Variants in SNX29 observed in about 807,000 individuals in gnomAD.
SNX29 encodes sorting nexin 29.
In SNX29, 78 loss-of-function variants were observed where a neutral mutation model predicts 102.1. That is an observed-to-expected ratio of 0.76 (90% CI 0.64 to 0.92). The LOEUF (loss-of-function observed/expected upper bound fraction) is 0.92. Among genes scored for constraint, SNX29 ranks in the 40% least tolerant of loss-of-function variants. The pLI is 0.00. For missense variants in SNX29, 1,280 were observed against 1,061.7 expected, an observed-to-expected ratio of 1.21 and a Z score of -2.86; for synonymous variants, 580 against 414.5, an observed-to-expected ratio of 1.40 and a Z score of -4.85.
chr16:12,109,919 C>G (rs2053435316), intron 11 of SNX29, among the ~76,000 whole-genome samples: 1 of 152,090 alleles, frequency 6.6e-6, no homozygotes, highest in Non-Finnish European at 1.5e-5. Context: ...TTAGTAGAGA[C>G]AGAGTTTCAC....
chr16:12,439,110 G>T (rs777703723), intron 18 of SNX29, among the ~76,000 whole-genome samples: 13 of 152,228 alleles, frequency 8.5e-5, no homozygotes, highest in Non-Finnish European at 1.8e-4. Flanking sequence ...AGTGAAGCCA[G>T]TCTTTCCCAG....
At position 12,490,586 on chromosome 16, in the gene SNX29, A is replaced by G. The variant is rs565793628; in HGVS notation, c.2178+12727A>G. Reference sequence around the variant, plus strand: ...ATCCTTAGGAATGGACTTGCTGGTCACAGGGTATGTTTATACTCCACTGTA... The same window carrying G: ...ATCCTTAGGAATGGACTTGCTGGTCGCAGGGTATGTTTATACTCCACTGTA... On this transcript the variant is annotated intron_variant, in intron 19 of 20. Coordinates refer to ENST00000566228, the MANE Select transcript of SNX29 (RefSeq NM_032167.5). Among the ~76,000 whole-genome samples the G allele has an allele frequency of 5.1e-4, 77 of 152,354 alleles. 2 individuals are homozygous for G. The South Asian group carries it at 0.016, about 32-fold the overall frequency.
At position 12,573,164 on chromosome 16, in the gene SNX29, GAAGT is replaced by G. The variant is rs755260749; in HGVS notation, c.*4539_*4542del. On this transcript the variant is annotated 3_prime_UTR_variant, in exon 21 of 21. Transcript: ENST00000566228. ...TAAAGCTTCAGCTCCTTGGTCAATA[GAAGT>G]AAGGGTGTAGCCATCCAGGGTCTCC... is the stretch of plus-strand genomic sequence containing the variant. The G allele has an allele frequency of 8.0e-5, 18 of 226,286 alleles. No individual in the cohort carries two copies. Among genetic ancestry groups the G allele is most frequent in the Non-Finnish European group, 1.1e-4 (12 of 113,814 alleles). The allele number at this position is 226,286 out of a possible 1,614,324, so 14.0% of individuals were successfully genotyped here.
In SNX29 at chr16:12,568,577, G is replaced by T. The variant is rs199674908; in HGVS notation, c.2390G>T (p.Arg797Leu). The T allele has an allele frequency of 1.2e-6, 2 of 1,607,500 alleles. No individual in the cohort carries two copies. Among genetic ancestry groups the T allele is most frequent in the Admixed American group, 1.7e-5 (1 of 60,000 alleles). ...KAASRFPKLS[R>L]GQPRETRNVE... Reference sequence around the variant, plus strand: ...GCTTCCCGCTTCCCCAAACTGTCCCGGGGTCAGCCCCGGGAGACCCGCAAC... The same window carrying T: ...GCTTCCCGCTTCCCCAAACTGTCCCTGGGTCAGCCCCGGGAGACCCGCAAC... The change falls in exon 21 of 21, where the codon CGG becomes CTG. Residue 797 changes from arginine (R) to leucine (L), a missense_variant. Physicochemically the swap from Arg to Leu is moderately radical, Grantham distance 102. Transcript: ENST00000566228.
chr16:11,983,279 G>A (rs1314427015), intron 1 of SNX29, among the ~76,000 whole-genome samples: 5 of 130,968 alleles, frequency 3.8e-5, no homozygotes, highest in Admixed American at 8.8e-5. Flanking sequence ...GTCTTACTAC[G>A]TTACCCAGGT....
intron 17 of SNX29, among the ~76,000 whole-genome samples, chr16:12,398,705 T>G (rs1436598732): frequency 6.6e-6 from 1 of 150,596 alleles, no homozygotes; most frequent in Non-Finnish European, 1.5e-5. Context: ...CCTTGGGTAT[T>G]TAAAAACATT....
chr16:12,122,577 C>T (rs74456766), intron 11 of SNX29, among the ~76,000 whole-genome samples: 2,127 of 152,048 alleles, frequency 0.014, 22 homozygotes, highest in Non-Finnish European at 0.023. Context: ...CACAGAGGCA[C>T]GAGAGAAGGA....
intron 18 of SNX29, among the ~76,000 whole-genome samples, chr16:12,468,080 C>T (rs982876898): frequency 1.3e-5 from 2 of 151,962 alleles, no homozygotes; most frequent in African/African-American, 2.4e-5. Flanking sequence ...TTCACTTGTC[C>T]CCTGTTACAC....
intron 18 of SNX29, among the ~76,000 whole-genome samples, chr16:12,442,401 C>G (rs1289854466): frequency 2.0e-5 from 3 of 152,138 alleles, no homozygotes; most frequent in African/African-American, 7.2e-5. Flanking sequence ...TTCTTCCCTT[C>G]TCTCCTTTTA....
chr16:12,125,603 C>CTT (rs1273937330), intron 11 of SNX29, among the ~76,000 whole-genome samples: 1 of 71,494 alleles, frequency 1.4e-5, no homozygotes, highest in African/African-American at 5.3e-5. Context: ...GCTGAGATCT[C>CTT]TCTTTTTTTT....
intron 15 of SNX29, among the ~76,000 whole-genome samples, chr16:12,333,808 G>T (rs1476925769): frequency 1.3e-5 from 2 of 152,118 alleles, no homozygotes; most frequent in East Asian, 1.9e-4. Flanking sequence ...CTACCCTGTA[G>T]GATGGCTGAG....
At chr16:12,353,577 A>G (rs891020469) in intron 15 of SNX29, among the ~76,000 whole-genome samples, 4 of 152,180 alleles carry the variant, frequency 2.6e-5, no homozygotes, top group Non-Finnish European at 5.9e-5. Context: ...CCGATGCCTG[A>G]ACCACCTCTC....
At chr16:12,262,585 A>G (rs1272818352) in intron 14 of SNX29, among the ~76,000 whole-genome samples, 1 of 152,234 alleles carries the variant, frequency 6.6e-6, no homozygotes, top group Non-Finnish European at 1.5e-5. Flanking sequence ...ATGAGAGCGC[A>G]GGCCTGTCGC....
At chr16:11,991,772 C>T (rs1039866399) in intron 1 of SNX29, among the ~76,000 whole-genome samples, 1 of 146,630 alleles carries the variant, frequency 6.8e-6, no homozygotes, top group African/African-American at 2.5e-5. Flanking sequence ...AGGCTGGTCT[C>T]AAACTCCTGA....
At chr16:12,431,281 C>T (rs530188057) in intron 18 of SNX29, among the ~76,000 whole-genome samples, 4 of 152,170 alleles carry the variant, frequency 2.6e-5, no homozygotes, top group African/African-American at 9.6e-5. Flanking sequence ...GAAATGGCCC[C>T]CTGCTGTGAA....
At chr16:12,063,896 C>T (rs951327997) in intron 9 of SNX29, among the ~76,000 whole-genome samples, 5 of 151,982 alleles carry the variant, frequency 3.3e-5, no homozygotes, top group Non-Finnish European at 5.9e-5. Flanking sequence ...CCAAAGGTTA[C>T]GGGGTTGGTG....
intron 14 of SNX29, among the ~76,000 whole-genome samples, chr16:12,228,314 C>T (rs1596563075): frequency 6.6e-6 from 1 of 152,336 alleles, no homozygotes; most frequent in East Asian, 1.9e-4. Context: ...ATACTTTTCC[C>T]CAATGATCCC....
intron 16 of SNX29, among the ~76,000 whole-genome samples, chr16:12,357,721 C>T (rs929689606): frequency 6.6e-6 from 1 of 152,148 alleles, no homozygotes; most frequent in African/African-American, 2.4e-5. Context: ...TAGCCCTTGG[C>T]GACCATTCTA....
chr16:12,559,623 A>G (rs1219284332), intron 20 of SNX29, among the ~76,000 whole-genome samples: 2 of 152,128 alleles, frequency 1.3e-5, no homozygotes, highest in African/African-American at 4.8e-5. Context: ...GTGACCTTGC[A>G]CATGGCCCTG....
Sources: gnomAD v4.1 joint callset for allele counts (sites outside exome capture counted in the v4.1 genomes callset) on GRCh38, gnomAD v4.1.1 for gene constraint, MANE v1.5 for transcripts, NCBI Gene and HGNC (gene_info 2026-07-23, HGNC 2026-07-21) for gene names.